LARGE1: variants seen among roughly 807,000 people sequenced by gnomAD.
The protein encoded by LARGE1 is LARGE xylosyl- and glucuronyltransferase 1, also known as xylosyl- and glucuronyltransferase LARGE1.
A neutral mutation model predicts 87.6 loss-of-function variants in LARGE1; 43 were observed. The ratio of observed to expected loss-of-function variants is 0.49; its 90% confidence interval spans 0.38 to 0.63. LARGE1 has a LOEUF of 0.63. Ranked by LOEUF, LARGE1 falls within the 30% of genes least tolerant of loss-of-function variation. The probability of loss-of-function intolerance (pLI) is 0.00; values close to 1 mark genes in which losing one functional copy is unlikely to be tolerated. For synonymous variants in LARGE1, 434 were observed against 394.6 expected (o/e 1.10, Z -1.18); for missense variants, 802 against 1,000.2 (o/e 0.80, Z 2.67).
intron 6 of LARGE1, among the ~76,000 whole-genome samples, chr22:33,481,252 C>A (rs1602048446): frequency 7.0e-6 from 1 of 143,380 alleles, no homozygotes; most frequent in Non-Finnish European, 1.5e-5. Flanking sequence ...CACGTACACA[C>A]ACATTTTTTT....
rs1247555599 is a variant in LARGE1, at chr22:33,593,870, G to A, written c.615+10565C>T. ...AAATTTAAAATCACACAGATGAGTT[G>A]CTGTTTTATTTCCATCGGGTAGCGC... On this transcript the variant is annotated intron_variant, in intron 5 of 14. Transcript: ENST00000397394. Among the ~76,000 whole-genome samples the A allele has an allele frequency of 2.6e-5, 4 of 152,176 alleles. No homozygotes were observed. In the East Asian group the frequency reaches 7.7e-4, roughly 29 times the overall value.
chr22:33,127,381 T>G, the LARGE1 span, among the ~76,000 whole-genome samples: 7 of 152,198 alleles, frequency 4.6e-5, no homozygotes, highest in Non-Finnish European at 1.0e-4. Flanking sequence ...TAGTGAATTC[T>G]GAACAAGACA....
At chr22:33,581,727 G>C (rs2078524053) in intron 5 of LARGE1, among the ~76,000 whole-genome samples, 1 of 150,656 alleles carries the variant, frequency 6.6e-6, no homozygotes, top group Admixed American at 6.7e-5. Context: ...CAGGAGAATT[G>C]CTTGAACCCA....
At chr22:33,514,250 AG>A (rs1341096082) in intron 6 of LARGE1, among the ~76,000 whole-genome samples, 1 of 151,038 alleles carries the variant, frequency 6.6e-6, no homozygotes, top group Non-Finnish European at 1.5e-5. Flanking sequence ...CATCTCACAT[AG>A]CTTTCTTTCA....
chr22:33,290,677 T>A (rs1932373529), intron 12 of LARGE1, among the ~76,000 whole-genome samples: 1 of 152,104 alleles, frequency 6.6e-6, no homozygotes, highest in Non-Finnish European at 1.5e-5. Flanking sequence ...GCTGGTGGCA[T>A]CTTCCCTGAC....
intron 11 of LARGE1, among the ~76,000 whole-genome samples, chr22:33,217,781 A>G (rs1925276960): frequency 1.3e-5 from 2 of 152,260 alleles, no homozygotes; most frequent in African/African-American, 2.4e-5. Flanking sequence ...TAAAAAACAT[A>G]TAACATGAAA....
intron 6 of LARGE1, among the ~76,000 whole-genome samples, chr22:33,543,386 C>A (rs1283091432): frequency 1.3e-5 from 2 of 152,124 alleles, no homozygotes; most frequent in Non-Finnish European, 2.9e-5. Flanking sequence ...CAGATACCAC[C>A]TTTTCCATCT....
Position 33,898,259 on chromosome 22 carries a change from G to A in LARGE1, c.-83+21736C>T, listed in dbSNP as rs116395645. Among the ~76,000 whole-genome samples the A allele has an allele frequency of 7.9e-3, 1,210 of 152,258 alleles. 15 individuals carry two copies. The highest frequency in any genetic ancestry group is 0.028 in the African/African-American group (1,155 of 41,562). ...GCCTGAATTTTATCATTAACTTGGT[G>A]TGAGCCTACACGGTTCCCTTGATCT... On this transcript the variant is annotated intron_variant, in intron 1 of 14. Coordinates refer to ENST00000397394, the MANE Select transcript of LARGE1 (RefSeq NM_133642.5).
chr22:33,500,474 T>A (rs1488700240), intron 6 of LARGE1, among the ~76,000 whole-genome samples: 1 of 152,194 alleles, frequency 6.6e-6, no homozygotes, highest in East Asian at 1.9e-4. Context: ...CATTAAAGTG[T>A]GGAATCTCCC....
chr22:33,522,786 G>A (rs1407136367), intron 6 of LARGE1, among the ~76,000 whole-genome samples: 1 of 150,870 alleles, frequency 6.6e-6, no homozygotes, highest in Non-Finnish European at 1.5e-5. Context: ...GGCCGAGATT[G>A]CACCACTTCA....
chr22:33,429,560 A>G (rs746446536), intron 7 of LARGE1, among the ~76,000 whole-genome samples: 2 of 152,048 alleles, frequency 1.3e-5, no homozygotes, highest in Non-Finnish European at 2.9e-5. Flanking sequence ...CTCTCTGCAA[A>G]CCCGGATTGA....
chr22:33,560,587 C>T (rs1436530373), intron 6 of LARGE1, among the ~76,000 whole-genome samples: 3 of 152,130 alleles, frequency 2.0e-5, no homozygotes, highest in Non-Finnish European at 2.9e-5. Context: ...CCCCAAATGA[C>T]AACAATCACA....
intron 2 of LARGE1, among the ~76,000 whole-genome samples, chr22:33,700,431 T>C (rs911625243): frequency 2.0e-5 from 3 of 152,214 alleles, no homozygotes; most frequent in Non-Finnish European, 2.9e-5. Context: ...GGCTGAATGC[T>C]GCCTCACAAT....
chr22:33,335,446 G>A (rs557968584), intron 10 of LARGE1, among the ~76,000 whole-genome samples: 1 of 152,158 alleles, frequency 6.6e-6, no homozygotes, highest in Non-Finnish European at 1.5e-5. Flanking sequence ...CTGTGACCAG[G>A]GTCATCCTGA....
At chr22:33,305,462 T>C (rs1267915182) in intron 11 of LARGE1, 3 of 349,800 alleles carry the variant, frequency 8.6e-6, no homozygotes, top group African/African-American at 6.6e-5. Context: ...TCAAAGGCGT[T>C]AGAAGCGTCT....
In LARGE1 at chr22:33,761,433, G is replaced by A. The variant is rs762616825; in HGVS notation, c.44C>T (p.Ser15Leu). 21 of 1,613,842 alleles carry A rather than the reference G, an allele frequency of 1.3e-5. No homozygotes were observed. The highest frequency in any genetic ancestry group is 1.6e-4 in the Middle Eastern group (1 of 6,084). Residue 15 changes from serine to leucine, a missense_variant, in exon 2 of 15, where the codon TCG becomes TTG. Transcript: ENST00000397394. ...CRGRRKFLAASLSLLCIPAIT... is the reference protein window; with the variant it reads ...CRGRRKFLAALLSLLCIPAIT... The stretch of plus-strand genomic sequence containing the variant: ...GGCTGGGATGCAGAGAAGACTCAAC[G>A]AGGCAGCCAAGAATTTCCGTCTCCC...
intron 5 of LARGE1, among the ~76,000 whole-genome samples, chr22:33,590,067 C>T (rs1270673101): frequency 6.6e-6 from 1 of 152,126 alleles, no homozygotes; most frequent in Non-Finnish European, 1.5e-5. Context: ...CTGTCATTAA[C>T]AAGATGATTC....
At chr22:33,609,516 A>G (rs1230661703) in intron 4 of LARGE1, among the ~76,000 whole-genome samples, 1 of 152,152 alleles carries the variant, frequency 6.6e-6, no homozygotes, top group Non-Finnish European at 1.5e-5. Flanking sequence ...GGAGCTCTAA[A>G]TGGGCAGAGG....
chr22:33,376,981 G>A (rs2065013168), intron 9 of LARGE1, among the ~76,000 whole-genome samples: 1 of 152,142 alleles, frequency 6.6e-6, no homozygotes, highest in Non-Finnish European at 1.5e-5. Context: ...TCTCTCCAAC[G>A]TGAAACAAGA....
Sources: gnomAD v4.1 joint callset for allele counts (sites outside exome capture counted in the v4.1 genomes callset) on GRCh38, gnomAD v4.1.1 for gene constraint, MANE v1.5 for transcripts, NCBI Gene and HGNC (gene_info 2026-07-23, HGNC 2026-07-21) for gene names.